Variants in DLG2 observed in about 807,000 individuals in gnomAD.
The protein encoded by DLG2 is discs large MAGUK scaffold protein 2, also known as disks large homolog 2.
Under a neutral mutation model 132.5 loss-of-function variants are expected in DLG2, and 45 were observed. That is an observed-to-expected ratio of 0.34 (90% CI 0.27 to 0.44). The LOEUF is 0.44. Ranked by LOEUF, DLG2 falls within the 20% of genes least tolerant of loss-of-function variation. DLG2 has a pLI of 1.00. For missense variants in DLG2, 1,045 were observed against 1,196.9 expected, an observed-to-expected ratio of 0.87 and a Z score of 1.87; for synonymous variants, 424 against 419.6, an observed-to-expected ratio of 1.01 and a Z score of -0.13.
At chr11:83,673,682 T>C (rs892672304) in intron 18 of DLG2, among the ~76,000 whole-genome samples, 1 of 152,182 alleles carries the variant, frequency 6.6e-6, no homozygotes. Context: ...TCTTGAACAT[T>C]GTGGGAAATG....
intron 7 of DLG2, among the ~76,000 whole-genome samples, chr11:84,334,569 A>G (rs1437478939): frequency 3.9e-5 from 6 of 152,198 alleles, no homozygotes; most frequent in Admixed American, 3.9e-4. Context: ...TCTGTTCATA[A>G]AGCTAAGAAC....
intron 7 of DLG2, among the ~76,000 whole-genome samples, chr11:84,491,421 G>A (rs1285144770): frequency 7.2e-5 from 11 of 152,136 alleles, no homozygotes; most frequent in Non-Finnish European, 4.4e-5. Context: ...CAGCCAGGTA[G>A]AACTGTAAGT....
At chr11:84,847,465 T>C (rs756219379) in intron 6 of DLG2, among the ~76,000 whole-genome samples, 3 of 152,184 alleles carry the variant, frequency 2.0e-5, no homozygotes, top group Non-Finnish European at 2.9e-5. Flanking sequence ...TTTTTAGTGA[T>C]GTACAATAAA....
chr11:85,429,655 G>T (rs2091028160), intron 3 of DLG2, among the ~76,000 whole-genome samples: 1 of 152,172 alleles, frequency 6.6e-6, no homozygotes, highest in African/African-American at 2.4e-5. Flanking sequence ...AAACCACAAT[G>T]AGATACCATC....
chr11:84,034,328 T>C (rs945685202), intron 11 of DLG2, among the ~76,000 whole-genome samples: 33 of 152,270 alleles, frequency 2.2e-4, no homozygotes, highest in African/African-American at 6.0e-4. Context: ...TACTGTTGCA[T>C]ACTCAATAGA....
chr11:84,281,081 C>T (rs1033495060), intron 7 of DLG2, among the ~76,000 whole-genome samples: 1 of 151,928 alleles, frequency 6.6e-6, no homozygotes, highest in African/African-American at 2.4e-5. Flanking sequence ...ATAATATTTT[C>T]AATAAATGAT....
At chr11:85,481,606 C>T (rs1231626938) in intron 3 of DLG2, among the ~76,000 whole-genome samples, 2 of 152,050 alleles carry the variant, frequency 1.3e-5, no homozygotes, top group African/African-American at 2.4e-5. Flanking sequence ...CCAGGAAGAC[C>T]CCCAACAGCC....
chr11:85,112,769 T>C (rs556713309), intron 5 of DLG2, among the ~76,000 whole-genome samples: 2 of 152,084 alleles, frequency 1.3e-5, no homozygotes, highest in African/African-American at 2.4e-5. Context: ...ATCTCTGAGA[T>C]TGCAGCAAGA....
intron 18 of DLG2, among the ~76,000 whole-genome samples, chr11:83,641,760 A>G (rs1050689344): frequency 6.6e-6 from 1 of 152,124 alleles, no homozygotes; most frequent in African/African-American, 2.4e-5. Flanking sequence ...GACTTAGCTC[A>G]TCTCTCAAGT....
intron 11 of DLG2, among the ~76,000 whole-genome samples, chr11:83,995,639 G>A (rs1166217400): frequency 6.6e-6 from 1 of 152,076 alleles, no homozygotes; most frequent in Non-Finnish European, 1.5e-5. Flanking sequence ...ATAGACAAAG[G>A]TAACAGAATA....
intron 21 of DLG2, among the ~76,000 whole-genome samples, chr11:83,516,283 C>T (rs1021724228): frequency 2.6e-5 from 4 of 151,990 alleles, no homozygotes; most frequent in Non-Finnish European, 5.9e-5. Context: ...TATGTAATGG[C>T]CTTCTTTGTC....
At chr11:85,539,003 T>C (rs2075791570) in intron 3 of DLG2, among the ~76,000 whole-genome samples, 1 of 151,834 alleles carries the variant, frequency 6.6e-6, no homozygotes, top group South Asian at 2.1e-4. Flanking sequence ...AAAATTAAAT[T>C]ACATTTTTTT....
At chr11:85,416,653 T>C (rs1354943331) in intron 3 of DLG2, among the ~76,000 whole-genome samples, 1 of 152,198 alleles carries the variant, frequency 6.6e-6, no homozygotes, top group East Asian at 1.9e-4. Context: ...GAAGAGGTCC[T>C]TCCCGTCCCT....
chr11:85,171,034 G>A (rs2078827581), intron 4 of DLG2, among the ~76,000 whole-genome samples: 2 of 151,984 alleles, frequency 1.3e-5, no homozygotes, highest in East Asian at 1.9e-4. Flanking sequence ...ACTACCAACC[G>A]GAAGACACCA....
chr11:83,528,324 C>T (rs191546476), intron 21 of DLG2, among the ~76,000 whole-genome samples: 1 of 152,234 alleles, frequency 6.6e-6, no homozygotes, highest in Admixed American at 6.5e-5. Flanking sequence ...ATCCAATAAG[C>T]TTCTAACCTG....
Position 84,300,416 on chromosome 11 carries a change from T to C in DLG2, c.520-49125A>G, listed in dbSNP as rs569729881. Among the ~76,000 whole-genome samples the C allele has an allele frequency of 6.6e-5, 10 of 152,296 alleles. No individual in the cohort carries two copies. In the East Asian group the frequency reaches 1.9e-3, roughly 29 times the overall value. ...AGAGAACAGACACAAGGAAAGGGGTTTCAGTGACAAGAAAGACAGGTGCAT... is the reference window on the plus strand; with the variant it reads ...AGAGAACAGACACAAGGAAAGGGGTCTCAGTGACAAGAAAGACAGGTGCAT... On this transcript the variant is annotated intron_variant, in intron 7 of 27. Coordinates refer to ENST00000376104, the MANE Select transcript of DLG2 (RefSeq NM_001142699.3).
intron 8 of DLG2, among the ~76,000 whole-genome samples, chr11:84,194,855 T>G (rs2096484795): frequency 6.6e-6 from 1 of 152,074 alleles, no homozygotes; most frequent in South Asian, 2.1e-4. Flanking sequence ...GGCCTCTCAC[T>G]GCCTGGGGCC....
rs146151189 is a variant in DLG2 at position 84,230,580 on chromosome 11, A to G, written c.573+20658T>C. On this transcript the variant is annotated intron_variant, in intron 8 of 27. Transcript: ENST00000376104. ...CTGGGAATTTTTAAATACATAAGACACAGTATGTTCAAGGAGCTTATGGTC... is the reference window on the plus strand; with the variant it reads ...CTGGGAATTTTTAAATACATAAGACGCAGTATGTTCAAGGAGCTTATGGTC... Among the ~76,000 whole-genome samples, 1,082 of 152,344 alleles carry G rather than the reference A, an allele frequency of 7.1e-3. 4 individuals carry two copies. The highest frequency in any genetic ancestry group is 0.021 in the South Asian group (102 of 4,830).
chr11:83,522,464 A>C (rs577571536), intron 21 of DLG2, among the ~76,000 whole-genome samples: 2 of 152,306 alleles, frequency 1.3e-5, no homozygotes, highest in Admixed American at 6.5e-5. Flanking sequence ...AGTAACACTC[A>C]GATCAAGAGA....
Sources: gnomAD v4.1 joint callset for allele counts (sites outside exome capture counted in the v4.1 genomes callset) on GRCh38, gnomAD v4.1.1 for gene constraint, MANE v1.5 for transcripts, NCBI Gene and HGNC (gene_info 2026-07-23, HGNC 2026-07-21) for gene names.